Variants in COL5A3 observed in about 807,000 individuals in gnomAD.
COL5A3 encodes the protein collagen alpha-3(V) chain.
Under a neutral mutation model 250.0 loss-of-function variants are expected in COL5A3, and 172 were observed. The ratio of observed to expected loss-of-function variants is 0.69; its 90% CI spans 0.61 to 0.78. COL5A3 has a LOEUF of 0.78. Ranked by LOEUF, COL5A3 falls within the 30% of genes least tolerant of loss-of-function variation. COL5A3 has a pLI of 0.00. For missense variants in COL5A3, 2,340 were observed against 2,334.4 expected (o/e 1.00, Z -0.05); for synonymous variants, 937 against 900.4 (o/e 1.04, Z -0.73).
chr19:9,997,519 G>C (rs2087290570), intron 10 of COL5A3, 86 bp from the exon 11 acceptor site: 2 of 836,512 alleles, frequency 2.4e-6, no homozygotes, highest in African/African-American at 3.4e-5. Flanking sequence ...TCTAACCTCA[G>C]GCTGACCTCC....
intron 51 of COL5A3, among the ~76,000 whole-genome samples, chr19:9,972,667 C>CTAA (rs147437549): frequency 0.051 from 7,788 of 152,210 alleles, 250 homozygotes; most frequent in Middle Eastern, 0.075. Flanking sequence ...GAACACCCAT[C>CTAA]TCTACTAAAA....
chr19:9,965,156 C>CTTTTTTTTTT (rs771519552), intron 64 of COL5A3, among the ~76,000 whole-genome samples: 1 of 100,306 alleles, frequency 1.0e-5, no homozygotes, highest in Non-Finnish European at 2.1e-5. Context: ...TTTTCTTTTT[C>CTTTTTTTTTT]TTTTTTTTTT....
chr19:10,002,438 C>T (rs2087377983), intron 6 of COL5A3, among the ~76,000 whole-genome samples: 1 of 148,302 alleles, frequency 6.7e-6, no homozygotes, highest in African/African-American at 2.5e-5. Context: ...CAGCCAAAGA[C>T]CCCAAGCAAT....
rs775678944 is a variant in COL5A3 at position 9,980,639 on chromosome 19, C to CAT, written c.2604+8_2604+9insAT. On this transcript the variant is annotated intron_variant, in intron 35 of 66. Transcript: ENST00000264828. ...ACATTCACACACACACACACACACA[C>CAT]ACACTCACCTTTTCTCCAGGGATCC... 172 of 1,613,170 alleles carry CAT rather than the reference C, an allele frequency of 1.1e-4. No individual in the cohort carries two copies. The South Asian group carries it at 1.3e-3, about 12-fold the overall frequency.
At chr19:9,992,990 C>G in intron 20 of COL5A3, 33 bp downstream of exon 20, 2 of 1,611,898 alleles carry the variant, frequency 1.2e-6, no homozygotes, top group Non-Finnish European at 1.7e-6. Context: ...TCCCCTGCAC[C>G]AAGCAAGGGG....
rs748733132 is a variant in COL5A3 at position 10,006,254 on chromosome 19, G to T, written c.89-23C>A. The T allele has an allele frequency of 4.5e-5, 70 of 1,572,704 alleles. No homozygotes were observed. In the Middle Eastern group the frequency reaches 5.0e-4, roughly 11 times the overall value. On this transcript the variant is annotated intron_variant, in intron 1 of 66. Transcript: ENST00000264828. ...GATCTGCAGCAGAGAGAAGCCGGGGGTGTCAGGCAGAGGTGGGGAACAGCT... is the reference window on the plus strand; with the variant it reads ...GATCTGCAGCAGAGAGAAGCCGGGGTTGTCAGGCAGAGGTGGGGAACAGCT...
chr19:9,963,567 G>T, intron 64 of COL5A3, among the ~76,000 whole-genome samples: 2 of 118,444 alleles, frequency 1.7e-5, no homozygotes, highest in South Asian at 7.3e-4. Context: ...TTTTTGGGGG[G>T]GGGGGCGGGT....
At chr19:9,963,577 T>TG (rs2086701242) in intron 64 of COL5A3, among the ~76,000 whole-genome samples, 1 of 28,076 alleles carries the variant, frequency 3.6e-5, no homozygotes. Context: ...GGGGGGCGGG[T>TG]GGAGGGGGTC....
chr19:10,003,951 G>A, intron 5 of COL5A3, 90 bp downstream of exon 5: 3 of 1,153,694 alleles, frequency 2.6e-6, no homozygotes, highest in Non-Finnish European at 3.9e-6. Context: ...CCATGTCTGG[G>A]GGATGAGAAT....
In COL5A3 at chr19:9,998,034, A is replaced by G; in HGVS notation, c.1159-9T>C. ...CCCTCAAACTGCTGCCCCTGAAGGGAGAAGTGAGTGTCGGTGACCGCTGTC... is the reference window on the plus strand; with the variant it reads ...CCCTCAAACTGCTGCCCCTGAAGGGGGAAGTGAGTGTCGGTGACCGCTGTC... On this transcript the variant is annotated splice_polypyrimidine_tract_variant and intron_variant, in intron 9 of 66. Transcript: ENST00000264828. The G allele has an allele frequency of 6.2e-7, 1 of 1,614,074 alleles. No individual in the cohort carries two copies. The highest frequency in any genetic ancestry group is 8.5e-7 in the Non-Finnish European group (1 of 1,180,014).
intron 7 of COL5A3, 30 bp downstream of exon 7, chr19:10,001,738 G>C (rs1180497495): frequency 1.2e-6 from 2 of 1,613,162 alleles, no homozygotes; most frequent in Non-Finnish European, 1.7e-6. Flanking sequence ...CGTAACCCTT[G>C]GGGTCTCCCC....
chr19:9,987,344 A>G (rs1196279112), intron 27 of COL5A3, among the ~76,000 whole-genome samples: 1 of 152,224 alleles, frequency 6.6e-6, no homozygotes, highest in Non-Finnish European at 1.5e-5. Flanking sequence ...CTTGGCTACA[A>G]GTTGTTCTCT....
intron 51 of COL5A3, among the ~76,000 whole-genome samples, chr19:9,971,682 C>T (rs924954712): frequency 3.3e-5 from 5 of 152,274 alleles, no homozygotes; most frequent in Middle Eastern, 3.4e-3. Context: ...GACCTCCACC[C>T]GCCCCAACCT....
chr19:9,986,369 C>G lies in COL5A3; in HGVS notation c.2298G>C (p.Lys766Asn). Residue 766 changes from lysine to asparagine, a missense_variant, in exon 30 of 67, where the codon AAG (lysine) becomes AAC (asparagine). Lys to Asn is a moderately conservative substitution (Grantham distance 94, BLOSUM62 0). Transcript: ENST00000264828. ...CCTCGCCAGCCTGCCCCGCCTGCCCCTTCGGCCCCTCAGGACCATCCTCTC... is the reference window on the plus strand; with the variant it reads ...CCTCGCCAGCCTGCCCCGCCTGCCCGTTCGGCCCCTCAGGACCATCCTCTC... Reference protein sequence around the residue: ...PRGEDGPEGPKGQAGQAGEEG... With the variant: ...PRGEDGPEGPNGQAGQAGEEG... 6.2e-7 allele frequency: 1 copy of G among 1,606,414 alleles called. No homozygotes were observed. Among genetic ancestry groups the G allele is most frequent in the Non-Finnish European group, 8.5e-7 (1 of 1,178,728 alleles).
intron 16 of COL5A3, among the ~76,000 whole-genome samples, chr19:9,994,657 G>A (rs1410007931): frequency 7.1e-6 from 1 of 141,470 alleles, no homozygotes; most frequent in African/African-American, 2.6e-5. Context: ...ATGCATCAGT[G>A]GGCAATTTTG....
chr19:9,991,346 T>G (rs2087185890), intron 24 of COL5A3, among the ~76,000 whole-genome samples: 1 of 152,200 alleles, frequency 6.6e-6, no homozygotes, highest in Non-Finnish European at 1.5e-5. Flanking sequence ...CTGTGCCTCT[T>G]GGTAATATCT....
At position 9,992,861 on chromosome 19, in the gene COL5A3, C is replaced by G; in HGVS notation, c.1814G>C (p.Gly605Ala). 1 of 1,614,172 alleles carries G rather than the reference C, an allele frequency of 6.2e-7. No individual in the cohort carries two copies. The change falls in exon 21 of 67, where the codon GGC becomes GCC. Residue 605 changes from glycine (G) to alanine (A), a missense_variant. Physicochemically the swap from Gly to Ala is moderately conservative, Grantham distance 60. Around this residue, in one of 3 missense-constraint regions of COL5A3, gnomAD observed 1,152 missense variants for 1,146.3 expected, o/e 1.00. Transcript: ENST00000264828. ...AGEPGPRGLLGPRGSPGPTGR... is the reference protein window; with the variant it reads ...AGEPGPRGLLAPRGSPGPTGR... Reference sequence around the variant, plus strand: ...CGTGGGGCCAGGAGAGCCTCTGGGGCCAAGCAGTCCTCGTGGACCCTGCAA... The same window carrying G: ...CGTGGGGCCAGGAGAGCCTCTGGGGGCAAGCAGTCCTCGTGGACCCTGCAA...
In COL5A3 at chr19:9,973,000, C is replaced by T. The variant is rs770696578; in HGVS notation, c.3693G>A (p.Lys1231=). 2 of 1,610,470 alleles carry T rather than the reference C, an allele frequency of 1.2e-6. No individual in the cohort carries two copies. Among genetic ancestry groups the T allele is most frequent in the Admixed American group, 1.7e-5 (1 of 59,648 alleles). ...CAGCTCCAGATGGGCCTGAGTCCCC[C>T]TTTTCACCAATGTCTCCCTTGGGCC... ...IPGPKGDIGE[K]GDSGPSGAAG... is the part of the protein sequence containing the mutation. The change falls in exon 51 of 67, where the codon AAG becomes AAA. Residue 1231 remains lysine, a synonymous_variant. Coordinates refer to ENST00000264828, the MANE Select transcript of COL5A3 (RefSeq NM_015719.4).
intron 44 of COL5A3, 58 bp downstream of exon 44, chr19:9,977,170 TG>T: frequency 6.5e-7 from 1 of 1,527,026 alleles, no homozygotes. Context: ...TCTACATCCC[TG>T]GCCTCCTCTT....
Sources: allele counts gnomAD v4.1 joint callset (sites outside exome capture counted in the v4.1 genomes callset), GRCh38; gene constraint gnomAD v4.1.1; regional missense constraint gnomAD v4.1.1; transcripts MANE v1.5; gene names NCBI Gene and HGNC (gene_info 2026-07-23, HGNC 2026-07-21).